Variants in ASTN2 observed in about 807,000 individuals in gnomAD.
ASTN2 encodes the protein astrotactin-2.
ASTN2 carries 54 observed loss-of-function variants against 139.8 expected under a neutral mutation model. That is an observed-to-expected ratio of 0.39 (90% CI 0.31 to 0.48). The LOEUF is 0.48. Ranked by LOEUF, ASTN2 falls within the 20% of genes least tolerant of loss-of-function variation. The pLI, the probability that ASTN2 is intolerant of heterozygous loss-of-function variation, is 0.95. For missense variants in ASTN2, 1,565 were observed against 1,725.1 expected (o/e 0.91, Z 1.64); for synonymous variants, 756 against 719.5 (o/e 1.05, Z -0.81).
intron 11 of ASTN2, among the ~76,000 whole-genome samples, chr9:116,852,467 G>A (rs571680716): frequency 2.0e-5 from 3 of 152,244 alleles, no homozygotes; most frequent in African/African-American, 4.8e-5. Flanking sequence ...CTCTAGGAAC[G>A]TCTGTCACTC....
At chr9:116,498,623 ATCTAC>A (rs1849751514) in intron 19 of ASTN2, among the ~76,000 whole-genome samples, 1 of 152,130 alleles carries the variant, frequency 6.6e-6, no homozygotes, top group Non-Finnish European at 1.5e-5. Context: ...GGATGTCAGT[ATCTAC>A]TCTACAAGAA....
chr9:117,233,686 A>ATTT (rs1564494948), intron 2 of ASTN2, among the ~76,000 whole-genome samples: 8 of 151,428 alleles, frequency 5.3e-5, no homozygotes, highest in African/African-American at 1.5e-4. Context: ...TTTTTTTTTA[A>ATTT]AAAAAAGAAT....
intron 17 of ASTN2, among the ~76,000 whole-genome samples, chr9:116,624,098 G>C (rs1187998377): frequency 6.6e-6 from 1 of 151,982 alleles, no homozygotes; most frequent in African/African-American, 2.4e-5. Context: ...ACTTGTAAAC[G>C]CTTCCAACTT....
rs145039105 is a variant in ASTN2, at chr9:117,408,715, C to T, written c.442+5782G>A. ...TGCAGATCTGCCTAGGTTGGTATCACTGACCCCCCAAGAAACAGCAAATCT... is the reference window on the plus strand; with the variant it reads ...TGCAGATCTGCCTAGGTTGGTATCATTGACCCCCCAAGAAACAGCAAATCT... On this transcript the variant is annotated intron_variant, in intron 1 of 22. Coordinates refer to ENST00000313400, the MANE Select transcript of ASTN2 (RefSeq NM_001365068.1). 1.8e-3 allele frequency among the ~76,000 whole-genome samples: 267 copies of T among 152,320 alleles called. 4 individuals carry two copies. The highest frequency in any genetic ancestry group is 0.014 in the Admixed American group (215 of 15,300).
At chr9:116,485,836 T>A (rs538060949) in intron 20 of ASTN2, among the ~76,000 whole-genome samples, 29 of 152,360 alleles carry the variant, frequency 1.9e-4, no homozygotes, top group Non-Finnish European at 4.0e-4. Flanking sequence ...TTTGGTGATA[T>A]TCTTGAGTTT....
intron 10 of ASTN2, among the ~76,000 whole-genome samples, chr9:116,885,751 AAC>A (rs1833580042): frequency 6.6e-6 from 1 of 152,208 alleles, no homozygotes; most frequent in Non-Finnish European, 1.5e-5. Context: ...GTTAGGACTT[AAC>A]ACACAAATTG....
At chr9:117,315,171 C>T (rs1342558920) in intron 1 of ASTN2, among the ~76,000 whole-genome samples, 1 of 152,040 alleles carries the variant, frequency 6.6e-6, no homozygotes, top group Non-Finnish European at 1.5e-5. Context: ...CCTAAATGAC[C>T]TAAAGCACTT....
chr9:117,002,905 CT>C (rs1304632708), intron 7 of ASTN2, among the ~76,000 whole-genome samples: 1 of 152,182 alleles, frequency 6.6e-6, no homozygotes, highest in Non-Finnish European at 1.5e-5. Context: ...GGGAGGGCCC[CT>C]TCATCTGTTC....
chr9:116,885,203 C>T (rs781762237), intron 10 of ASTN2, among the ~76,000 whole-genome samples: 2 of 151,972 alleles, frequency 1.3e-5, no homozygotes, highest in Non-Finnish European at 2.9e-5. Context: ...GTTCAATTAG[C>T]TAGAAGAGAA....
At chr9:116,754,605 T>C (rs1377757348) in intron 13 of ASTN2, among the ~76,000 whole-genome samples, 1 of 152,236 alleles carries the variant, frequency 6.6e-6, no homozygotes. Flanking sequence ...GGTATTACAC[T>C]GGCAGAGTTG....
chr9:117,150,791 G>A (rs577806434), intron 3 of ASTN2, among the ~76,000 whole-genome samples: 31 of 152,196 alleles, frequency 2.0e-4, no homozygotes, highest in African/African-American at 7.0e-4. Context: ...TGAACATCTG[G>A]CCTCAAGTGA....
intron 2 of ASTN2, among the ~76,000 whole-genome samples, chr9:117,255,302 C>T (rs878865661): frequency 2.8e-4 from 42 of 152,252 alleles, no homozygotes; most frequent in Admixed American, 1.4e-3. Context: ...GGCTGAGATA[C>T]GGCAGCAAAC....
intron 4 of ASTN2, among the ~76,000 whole-genome samples, chr9:117,097,685 T>G (rs1428481990): frequency 6.6e-6 from 1 of 152,186 alleles, no homozygotes; most frequent in Non-Finnish European, 1.5e-5. Flanking sequence ...TCAAGCACCA[T>G]GCAAACCTAT....
intron 1 of ASTN2, among the ~76,000 whole-genome samples, chr9:117,405,506 G>C (rs751456515): frequency 1.3e-5 from 2 of 152,132 alleles, no homozygotes; most frequent in Non-Finnish European, 2.9e-5. Flanking sequence ...TCCTATGTAG[G>C]ATGATAAAGT....
At position 117,045,987 on chromosome 9, in the gene ASTN2, CGTACGTAT is replaced by C. The variant is rs1564399832; in HGVS notation, c.1277-6030_1277-6023del. Reference sequence around the variant, plus strand: ...ATGTATGTATGTATGTATGTACGTACGTACGTATGTATGTATGTATGTATGTATGTATG... The same window carrying C: ...ATGTATGTATGTATGTATGTACGTACGTATGTATGTATGTATGTATGTATG... On this transcript the variant is annotated intron_variant, in intron 5 of 22. Coordinates refer to ENST00000313400, the MANE Select transcript of ASTN2 (RefSeq NM_001365068.1). 8.4e-4 allele frequency among the ~76,000 whole-genome samples: 120 copies of C among 142,022 alleles called. 1 individual carries two copies. Among genetic ancestry groups the C allele is most frequent in the Non-Finnish European group, 1.3e-3 (87 of 64,930 alleles). 93.2% of individuals were successfully genotyped at this position (142,022 alleles called of 152,430 possible). A position where few individuals can be genotyped will look rare whatever the true frequency, so the allele number is the denominator to read the frequency against.
intron 10 of ASTN2, among the ~76,000 whole-genome samples, chr9:116,956,195 A>C (rs1835703654): frequency 6.9e-6 from 1 of 145,562 alleles, no homozygotes; most frequent in South Asian, 2.1e-4. Context: ...TCCTGGGTTC[A>C]AGTGATTCTC....
chr9:117,407,326 T>C (rs1041932306), intron 1 of ASTN2, among the ~76,000 whole-genome samples: 3 of 152,168 alleles, frequency 2.0e-5, no homozygotes, highest in Non-Finnish European at 4.4e-5. Flanking sequence ...ATGGCCATTA[T>C]CAGATTTGGG....
intron 2 of ASTN2, among the ~76,000 whole-genome samples, chr9:117,256,986 CAGA>C (rs1203308302): frequency 6.6e-6 from 1 of 151,832 alleles, no homozygotes; most frequent in African/African-American, 2.4e-5. Context: ...AAAAAGGAGA[CAGA>C]AGAAGACTTG....
chr9:117,008,386 C>T (rs955273007), intron 6 of ASTN2, 127 bp from the exon 7 acceptor site: 21 of 793,778 alleles, frequency 2.6e-5, no homozygotes, highest in Non-Finnish European at 3.5e-5. Context: ...TCTAAGTGCA[C>T]TTGCAATGTG....
Sources: allele counts gnomAD v4.1 joint callset (sites outside exome capture counted in the v4.1 genomes callset), GRCh38; gene constraint gnomAD v4.1.1; transcripts MANE v1.5; gene names NCBI Gene and HGNC (gene_info 2026-07-23, HGNC 2026-07-21).